PDGFC: variants seen among roughly 807,000 people sequenced by gnomAD.
PDGFC encodes platelet derived growth factor C, also known as platelet-derived growth factor C.
PDGFC carries 12 observed loss-of-function variants against 35.5 expected under a neutral mutation model. The ratio of observed to expected loss-of-function variants is 0.34; its 90% CI spans 0.22 to 0.55. The LOEUF (loss-of-function observed/expected upper bound fraction) is 0.55. Ranked by LOEUF, PDGFC falls within the 20% of genes least tolerant of loss-of-function variation. PDGFC has a pLI of 0.91. For synonymous variants in PDGFC, 159 were observed against 148.8 expected, an observed-to-expected ratio of 1.07 and a Z score of -0.50; for missense variants, 322 against 412.4, an observed-to-expected ratio of 0.78 and a Z score of 1.90.
At chr4:156,854,025 C>T (rs1729517224) in intron 1 of PDGFC, among the ~76,000 whole-genome samples, 1 of 152,150 alleles carries the variant, frequency 6.6e-6, no homozygotes, top group African/African-American at 2.4e-5. Flanking sequence ...AAAGTAAATT[C>T]ATTAACTATT....
intron 2 of PDGFC, among the ~76,000 whole-genome samples, chr4:156,815,270 C>A (rs1732051680): frequency 6.6e-6 from 1 of 151,826 alleles, no homozygotes; most frequent in Non-Finnish European, 1.5e-5. Flanking sequence ...TCGTCACACA[C>A]AATAACTATT....
At chr4:156,916,274 A>T (rs1731155582) in intron 1 of PDGFC, among the ~76,000 whole-genome samples, 1 of 152,188 alleles carries the variant, frequency 6.6e-6, no homozygotes, top group South Asian at 2.1e-4. Context: ...TATGCAAGCC[A>T]TCACAGCCAC....
chr4:156,896,392 G>A (rs190329709), intron 1 of PDGFC, among the ~76,000 whole-genome samples: 29 of 152,174 alleles, frequency 1.9e-4, no homozygotes, highest in African/African-American at 5.8e-4. Flanking sequence ...GTGGTATCTT[G>A]ACTTTACAGC....
intron 2 of PDGFC, among the ~76,000 whole-genome samples, chr4:156,841,580 C>T (rs1422521057): frequency 6.6e-6 from 1 of 150,666 alleles, no homozygotes; most frequent in African/African-American, 2.4e-5. Flanking sequence ...AATCTTGGCT[C>T]ACTGCAACCT....
intron 3 of PDGFC, chr4:156,774,548 G>A (rs1334321090): frequency 6.6e-6 from 1 of 152,168 alleles, no homozygotes; most frequent in Non-Finnish European, 1.5e-5. Context: ...ACCCTCGTGG[G>A]GCTCCTGGCT....
At chr4:156,955,925 C>T (rs1341972032) in intron 1 of PDGFC, among the ~76,000 whole-genome samples, 3 of 151,994 alleles carry the variant, frequency 2.0e-5, no homozygotes, top group East Asian at 1.9e-4. Context: ...CTTCCTTTTC[C>T]GGTGAATTAT....
At position 156,810,957 on chromosome 4, in the gene PDGFC, A is replaced by G. The variant is rs758589005; in HGVS notation, c.375T>C (p.Gly125=). The G allele has an allele frequency of 2.5e-6, 4 of 1,608,352 alleles. No individual in the cohort carries two copies. The Admixed American group carries it at 6.7e-5, about 27-fold the overall frequency. ...SDGTILGRWC[G]SGTVPGKQIS... ...TCTGTTTTCCTGGTACAGTACCAGA[A>G]CCACACCAGCGCCCTAATATAGTTC... Residue 125 remains glycine, a synonymous_variant, in exon 3 of 6, where the codon GGT becomes GGC. Transcript: ENST00000502773.
chr4:156,948,515 G>A (rs1256531237), intron 1 of PDGFC, among the ~76,000 whole-genome samples: 1 of 151,846 alleles, frequency 6.6e-6, no homozygotes, highest in Non-Finnish European at 1.5e-5. Flanking sequence ...GGCATATTAA[G>A]GTGCTTTCCG....
intron 1 of PDGFC, among the ~76,000 whole-genome samples, chr4:156,862,200 A>G (rs1337518542): frequency 6.6e-6 from 1 of 152,238 alleles, no homozygotes; most frequent in East Asian, 1.9e-4. Context: ...TAGAAATAAA[A>G]TAAATCCTCT....
At chr4:156,805,338 A>G (rs543379673) in intron 3 of PDGFC, among the ~76,000 whole-genome samples, 2 of 152,190 alleles carry the variant, frequency 1.3e-5, no homozygotes, top group South Asian at 4.1e-4. Flanking sequence ...TACCTCTTCC[A>G]GTCTCTAAAT....
At chr4:156,818,312 T>C (rs1732148574) in intron 2 of PDGFC, among the ~76,000 whole-genome samples, 1 of 151,764 alleles carries the variant, frequency 6.6e-6, no homozygotes. Flanking sequence ...ATTGGAACCA[T>C]TTTTTTCTGA....
At chr4:156,810,494 T>C (rs2110943404) in intron 3 of PDGFC, among the ~76,000 whole-genome samples, 1 of 152,138 alleles carries the variant, frequency 6.6e-6, no homozygotes, top group African/African-American at 2.4e-5. Context: ...GTTTGCATTG[T>C]ATTGCTTCTT....
intron 1 of PDGFC, among the ~76,000 whole-genome samples, chr4:156,919,769 G>A (rs531508308): frequency 2.6e-4 from 40 of 152,094 alleles, no homozygotes; most frequent in Non-Finnish European, 4.4e-4. Flanking sequence ...AAACATAATT[G>A]GAATTTCAAA....
rs10611712 is a variant in PDGFC, at chr4:156,920,644, AACACACAC to A, written c.118+50134_118+50141del. 4.3e-3 allele frequency among the ~76,000 whole-genome samples: 570 copies of A among 132,030 alleles called. 2 individuals carry two copies. The highest frequency in any genetic ancestry group is 6.3e-3 in the East Asian group (28 of 4,458). 86.6% of individuals were successfully genotyped at this position (132,030 alleles called of 152,430 possible). A position where few individuals can be genotyped will look rare whatever the true frequency, so the allele number is the denominator to read the frequency against. On this transcript the variant is annotated intron_variant, in intron 1 of 5. Transcript: ENST00000502773. ...TTAGAAAAGCTTAACAGGAAAAGAAAACACACACACACACACACACACACACACACACA... is the reference window on the plus strand; with the variant it reads ...TTAGAAAAGCTTAACAGGAAAAGAAAACACACACACACACACACACACACA...
chr4:156,836,657 A>G lies in PDGFC; in HGVS notation c.314+13564T>C, dbSNP rs1289572617. Reference sequence around the variant, plus strand: ...AAATGAAGGTGTAAGTATGACCTACATGAAATTGGGAAGGAAGTCCTTACT... The same window carrying G: ...AAATGAAGGTGTAAGTATGACCTACGTGAAATTGGGAAGGAAGTCCTTACT... On this transcript the variant is annotated intron_variant, in intron 2 of 5. Coordinates refer to ENST00000502773, the MANE Select transcript of PDGFC (RefSeq NM_016205.3). Among the ~76,000 whole-genome samples the G allele has an allele frequency of 4.6e-5, 7 of 152,206 alleles. No homozygotes were observed. The South Asian group carries it at 1.0e-3, about 22-fold the overall frequency.
chr4:156,953,845 G>A (rs1732142769), intron 1 of PDGFC, among the ~76,000 whole-genome samples: 2 of 151,842 alleles, frequency 1.3e-5, no homozygotes, highest in Admixed American at 1.3e-4. Context: ...CAGAAACTAA[G>A]AATACCAGGA....
At chr4:156,851,876 A>G (rs929470972) in intron 1 of PDGFC, among the ~76,000 whole-genome samples, 5 of 132,676 alleles carry the variant, frequency 3.8e-5, no homozygotes, top group Non-Finnish European at 7.8e-5. Context: ...GCTTGCAGTG[A>G]GGGGAGATCC....
At chr4:156,895,633 GAA>G (rs77576325) in intron 1 of PDGFC, among the ~76,000 whole-genome samples, 3 of 115,962 alleles carry the variant, frequency 2.6e-5, no homozygotes, top group East Asian at 2.5e-4. Context: ...CTCTGTCTCA[GAA>G]AAAAAAAAAA....
intron 3 of PDGFC, among the ~76,000 whole-genome samples, chr4:156,806,594 G>A (rs1467204212): frequency 6.6e-6 from 1 of 151,402 alleles, no homozygotes; most frequent in Non-Finnish European, 1.5e-5. Flanking sequence ...CTAAATATAA[G>A]ACTAAAATAA....
Sources: allele counts gnomAD v4.1 joint callset (sites outside exome capture counted in the v4.1 genomes callset), GRCh38; gene constraint gnomAD v4.1.1; transcripts MANE v1.5; gene names NCBI Gene and HGNC (gene_info 2026-07-23, HGNC 2026-07-21).